RPH3AL: variants seen among roughly 807,000 people sequenced by gnomAD.
RPH3AL encodes rab effector Noc2.
A neutral mutation model predicts 43.1 loss-of-function variants in RPH3AL; 38 were observed. The ratio of observed to expected loss-of-function variants is 0.88; its 90% CI spans 0.68 to 1.15. The LOEUF is 1.15. RPH3AL is among the 50% of genes most tolerant of loss of function. The probability of loss-of-function intolerance (pLI) is 0.00; values close to 1 mark genes in which losing one functional copy is unlikely to be tolerated. For synonymous variants in RPH3AL, 189 were observed against 176.3 expected (o/e 1.07, Z -0.57); for missense variants, 462 against 423.2 (o/e 1.09, Z -0.81).
intron 6 of RPH3AL, among the ~76,000 whole-genome samples, chr17:272,419 G>T (rs1010470120): frequency 2.0e-4 from 30 of 151,942 alleles, no homozygotes; most frequent in Non-Finnish European, 4.1e-4. Flanking sequence ...GGAGTACTAT[G>T]CAGCCATAAA....
At chr17:318,018 T>C (rs1366317512) in intron 5 of RPH3AL, among the ~76,000 whole-genome samples, 1 of 151,996 alleles carries the variant, frequency 6.6e-6, no homozygotes, top group Non-Finnish European at 1.5e-5. Flanking sequence ...TGTTTTTTAG[T>C]TCCCTTGCCC....
At chr17:235,695 A>G (rs111724700) in intron 7 of RPH3AL, among the ~76,000 whole-genome samples, 360 of 19,694 alleles carry the variant, frequency 0.018, 2 homozygotes, top group African/African-American at 0.034. Context: ...CTAACAAGAC[A>G]GGTCCCGGGT....
At chr17:339,854 C>T (rs941480097) in intron 1 of RPH3AL, among the ~76,000 whole-genome samples, 7 of 152,294 alleles carry the variant, frequency 4.6e-5, no homozygotes, top group African/African-American at 1.2e-4. Context: ...ATTGGCCAAA[C>T]GGGAGTTCTG....
chr17:276,459 T>C lies in RPH3AL; in HGVS notation c.438+5309A>G, dbSNP rs569504335. Among the ~76,000 whole-genome samples the C allele has an allele frequency of 5.3e-5, 8 of 152,336 alleles. No homozygotes were observed. The South Asian group carries it at 1.7e-3, about 32-fold the overall frequency. ...AAGGCTGGAGTGCAGTGGCACGATC[T>C]CAGCCCACTGCCACCTCCACCCCCC... On this transcript the variant is annotated intron_variant, in intron 6 of 9. Transcript: ENST00000331302.
chr17:330,602 G>A (rs1027541761), intron 2 of RPH3AL, among the ~76,000 whole-genome samples: 5 of 152,182 alleles, frequency 3.3e-5, no homozygotes, highest in Admixed American at 6.5e-5. Flanking sequence ...CAGCCCACAC[G>A]GGGTGGCTCA....
chr17:225,115 G>GAA lies in RPH3AL; in HGVS notation c.614-5381_614-5380dup, dbSNP rs34369453. ...GTACCCTAGAACTTAAAATATAATGGAAAAAAAAAAAAAAAGAGTGATGAG... is the reference window on the plus strand; with the variant it reads ...GTACCCTAGAACTTAAAATATAATGGAAAAAAAAAAAAAAAAAGAGTGATGAG... On this transcript the variant is annotated intron_variant, in intron 7 of 9. Coordinates refer to ENST00000331302, the MANE Select transcript of RPH3AL (RefSeq NM_006987.4). The surrounding 1 kb of genome is among the most constrained non-coding windows in gnomAD (Gnocchi z 4.4). Among the ~76,000 whole-genome samples the GAA allele has an allele frequency of 0.022, 3,010 of 139,122 alleles. 46 individuals carry two copies. The highest frequency in any genetic ancestry group is 0.032 in the Non-Finnish European group (2,041 of 64,624). The allele number at this position is 139,122 out of a possible 152,430, so 91.3% of individuals were successfully genotyped here.
chr17:229,666 G>A (rs2041183794), intron 7 of RPH3AL, among the ~76,000 whole-genome samples: 1 of 152,232 alleles, frequency 6.6e-6, no homozygotes, highest in Non-Finnish European at 1.5e-5. Flanking sequence ...ATGGGGAGGG[G>A]CTGTAGGAGG....
chr17:224,417 C>T (rs1456685037), intron 7 of RPH3AL, among the ~76,000 whole-genome samples: 1 of 152,240 alleles, frequency 6.6e-6, no homozygotes, highest in Admixed American at 6.5e-5. Flanking sequence ...CCCAGAATGC[C>T]CTGCCCACCC....
chr17:249,042 C>T (rs938455512), intron 6 of RPH3AL, among the ~76,000 whole-genome samples: 1 of 152,150 alleles, frequency 6.6e-6, no homozygotes, highest in Admixed American at 6.5e-5. Context: ...GAAAGGACCG[C>T]CTCTTGGAGA....
chr17:346,083 T>C (rs1427444663), intron 1 of RPH3AL, among the ~76,000 whole-genome samples: 1 of 135,152 alleles, frequency 7.4e-6, no homozygotes, highest in East Asian at 2.4e-4. Context: ...TCCTTTATCT[T>C]TCAAAGTAAC....
chr17:253,504 A>T (rs1017278303), intron 6 of RPH3AL, among the ~76,000 whole-genome samples: 1 of 152,108 alleles, frequency 6.6e-6, no homozygotes, highest in African/African-American at 2.4e-5. Context: ...ATCCTTTTTT[A>T]AAAAAATTAA....
rs368301295 is a variant in RPH3AL, at chr17:314,632, T to G, written c.351+4788A>C. Among the ~76,000 whole-genome samples the G allele has an allele frequency of 1.8e-4, 22 of 121,568 alleles. 2 individuals carry two copies. The highest frequency in any genetic ancestry group is 4.5e-4 in the African/African-American group (16 of 35,812). 79.8% of individuals were successfully genotyped at this position (121,568 alleles called of 152,430 possible). On this transcript the variant is annotated intron_variant, in intron 5 of 9. Transcript: ENST00000331302. Reference sequence around the variant, plus strand: ...TGTAGTCCCTGTGCCCCACCTCCATTGACCTGTAGTCCCTGTGACTCCACC... The same window carrying G: ...TGTAGTCCCTGTGCCCCACCTCCATGGACCTGTAGTCCCTGTGACTCCACC...
rs181739310 is a variant in RPH3AL at position 264,727 on chromosome 17, G to C, written c.438+17041C>G. Reference sequence around the variant, plus strand: ...AGGATGACCCTTCCACCTGTGACCGGTATCAGCAAAAATGGAACACAGAAT... The same window carrying C: ...AGGATGACCCTTCCACCTGTGACCGCTATCAGCAAAAATGGAACACAGAAT... On this transcript the variant is annotated intron_variant, in intron 6 of 9. Coordinates refer to ENST00000331302, the MANE Select transcript of RPH3AL (RefSeq NM_006987.4). This position sits in a 1 kb window ranked among gnomAD's most constrained non-coding sequence, Gnocchi z 4.8. Among the ~76,000 whole-genome samples the C allele has an allele frequency of 2.2e-4, 34 of 152,282 alleles. No individual in the cohort carries two copies. The highest frequency in any genetic ancestry group is 3.4e-3 in the Middle Eastern group (1 of 294).
chr17:325,941 A>C (rs1242773655), intron 3 of RPH3AL, among the ~76,000 whole-genome samples: 1 of 152,124 alleles, frequency 6.6e-6, no homozygotes, highest in Non-Finnish European at 1.5e-5. Context: ...ACCCCAGGGG[A>C]GGGGATAAAA....
chr17:323,534 G>A lies in RPH3AL; in HGVS notation c.78-2119C>T, dbSNP rs1385635555. 6.6e-6 allele frequency among the ~76,000 whole-genome samples: 1 copy of A among 152,202 alleles called. No homozygotes were observed. The highest frequency in any genetic ancestry group is 1.9e-4 in the East Asian group (1 of 5,202). On this transcript the variant is annotated intron_variant, in intron 3 of 9. Transcript: ENST00000331302. This position sits in a 1 kb window ranked among gnomAD's most constrained non-coding sequence, Gnocchi z 4.4. ...GGCTCCAGGGGTCAGTGATGGGCCA[G>A]GACACACTTCGTGTGGTTCCCGGGC...
intron 5 of RPH3AL, among the ~76,000 whole-genome samples, chr17:316,136 TCCC>T (rs1343996717): frequency 2.1e-5 from 2 of 96,698 alleles, no homozygotes; most frequent in African/African-American, 7.0e-5. Flanking sequence ...TGACCTGCAG[TCCC>T]TGTGCTCCAC....
chr17:274,945 C>T lies in RPH3AL; in HGVS notation c.438+6823G>A, dbSNP rs1033471096. On this transcript the variant is annotated intron_variant, in intron 6 of 9. Transcript: ENST00000331302. This position sits in a 1 kb window ranked among gnomAD's most constrained non-coding sequence, Gnocchi z 4.7. ...AATAAAGGAAATAATGGAGGACTGC[C>T]GGGAAACCAGAGTGGAGAACAGAAT... Among the ~76,000 whole-genome samples the T allele has an allele frequency of 4.6e-5, 7 of 152,072 alleles. No individual in the cohort carries two copies. Among genetic ancestry groups the T allele is most frequent in the South Asian group, 2.1e-4 (1 of 4,824 alleles).
chr17:233,514 C>T (rs1267435871), intron 7 of RPH3AL, among the ~76,000 whole-genome samples: 2 of 152,140 alleles, frequency 1.3e-5, no homozygotes, highest in African/African-American at 4.8e-5. Flanking sequence ...CCACTAGGGG[C>T]AGGGTCAAGG....
intron 6 of RPH3AL, among the ~76,000 whole-genome samples, chr17:272,870 G>A (rs528580640): frequency 6.6e-5 from 10 of 151,884 alleles, no homozygotes; most frequent in Non-Finnish European, 1.3e-4. Flanking sequence ...GGGGCCAGAA[G>A]GAAGAAATAA....
Sources: gnomAD v4.1 joint callset for allele counts (sites outside exome capture counted in the v4.1 genomes callset) on GRCh38, gnomAD v4.1.1 for gene constraint, Gnocchi (gnomAD v3.1) non-coding constraint, MANE v1.5 for transcripts, NCBI Gene and HGNC (gene_info 2026-07-23, HGNC 2026-07-21) for gene names.